AGBL1: variants seen among roughly 807,000 people sequenced by gnomAD.
AGBL1 encodes the protein AGBL carboxypeptidase 1.
AGBL1 carries 130 observed loss-of-function variants against 118.9 expected under a neutral mutation model. The ratio of observed to expected loss-of-function variants is 1.09; its 90% CI spans 0.95 to 1.26. The LOEUF (loss-of-function observed/expected upper bound fraction) is 1.26. Among genes scored for constraint, AGBL1 ranks in the 50% most tolerant of loss-of-function variants. The probability of loss-of-function intolerance (pLI) is 0.00; values close to 1 mark genes in which losing one functional copy is unlikely to be tolerated. For synonymous variants in AGBL1, 555 were observed against 478.9 expected (o/e 1.16, Z -2.08); for missense variants, 1,584 against 1,298.1 (o/e 1.22, Z -3.38).
chr15:86,201,827 C>T (rs184775377), intron 5 of AGBL1, among the ~76,000 whole-genome samples: 45 of 152,214 alleles, frequency 3.0e-4, no homozygotes, highest in East Asian at 5.8e-4. Context: ...TTCAGTAGGC[C>T]GCACGGATTT....
Position 86,526,573 on chromosome 15 carries a change from TAC to T in AGBL1, c.2685+3640_2685+3641del, listed in dbSNP as rs1202978973. Among the ~76,000 whole-genome samples, 309 of 117,592 alleles carry T rather than the reference TAC, an allele frequency of 2.6e-3. 4 individuals are homozygous for T. Among genetic ancestry groups the T allele is most frequent in the African/African-American group, 0.01 (291 of 28,478 alleles). The allele number at this position is 117,592 out of a possible 152,430, so 77.1% of individuals were successfully genotyped here. A position where few individuals can be genotyped will look rare whatever the true frequency, so the allele number is the denominator to read the frequency against. On this transcript the variant is annotated intron_variant, in intron 19 of 22. Coordinates refer to ENST00000614907, the MANE Select transcript of AGBL1 (RefSeq NM_001386094.1). ...ATATATATATATATATATATATATATACACACAGAGTATATATATGTATATAG... is the reference window on the plus strand; with the variant it reads ...ATATATATATATATATATATATATATACACAGAGTATATATATGTATATAG...
intron 22 of AGBL1, among the ~76,000 whole-genome samples, chr15:86,677,222 C>G (rs2085864529): frequency 6.6e-6 from 1 of 152,146 alleles, no homozygotes. Context: ...AGCAACTCAA[C>G]ATTTTTCAAG....
chr15:86,880,610 A>G (rs1408039797), intron 22 of AGBL1, among the ~76,000 whole-genome samples: 2 of 152,114 alleles, frequency 1.3e-5, no homozygotes, highest in African/African-American at 2.4e-5. Context: ...GTGCATATAC[A>G]TGTGCACATG....
downstream of AGBL1, among the ~76,000 whole-genome samples, chr15:86,916,677 C>A (rs1254216089): frequency 3.3e-5 from 5 of 152,170 alleles, no homozygotes; most frequent in Admixed American, 3.3e-4. Context: ...CTCAGTTTCT[C>A]CATTGGAGGG....
intron 21 of AGBL1, 83 bp downstream of exon 21, chr15:86,554,620 C>G: frequency 7.7e-7 from 1 of 1,298,342 alleles, no homozygotes; most frequent in Non-Finnish European, 9.9e-7. Flanking sequence ...TGCTTTCTCA[C>G]CTAAAAGGGG....
intron 22 of AGBL1, among the ~76,000 whole-genome samples, chr15:86,846,896 T>C (rs1376730766): frequency 6.6e-6 from 1 of 152,160 alleles, no homozygotes; most frequent in Non-Finnish European, 1.5e-5. Context: ...TCTTCCTCCT[T>C]TATCTGAGTC....
intron 17 of AGBL1, chr15:86,296,511 A>T (rs2079645016): frequency 6.6e-6 from 1 of 152,180 alleles, no homozygotes; most frequent in Non-Finnish European, 1.5e-5. Flanking sequence ...ATGAAGACAC[A>T]GCCTTCCCTG....
intron 23 of AGBL1, among the ~76,000 whole-genome samples, chr15:86,978,229 A>G (rs919013950): frequency 2.0e-5 from 3 of 152,158 alleles, no homozygotes; most frequent in African/African-American, 7.2e-5. Flanking sequence ...GACTTGCAAC[A>G]AGACTAAAAA....
intron 23 of AGBL1, among the ~76,000 whole-genome samples, chr15:86,960,242 A>G (rs994515814): frequency 6.6e-6 from 1 of 152,044 alleles, no homozygotes; most frequent in African/African-American, 2.4e-5. Flanking sequence ...TTATTCTATT[A>G]GGGAGCTACT....
intron 18 of AGBL1, among the ~76,000 whole-genome samples, chr15:86,487,572 T>A (rs1160713678): frequency 6.6e-6 from 1 of 151,940 alleles, no homozygotes; most frequent in Admixed American, 6.6e-5. Context: ...CCCTGACTTT[T>A]TTTTTTTTAA....
intron 15 of AGBL1, among the ~76,000 whole-genome samples, chr15:86,273,244 A>G (rs1185952576): frequency 6.6e-6 from 1 of 152,232 alleles, no homozygotes; most frequent in Non-Finnish European, 1.5e-5. Flanking sequence ...TTTCAAAAGC[A>G]CAGCCTTGAC....
intron 5 of AGBL1, among the ~76,000 whole-genome samples, chr15:86,193,902 A>G (rs749238400): frequency 2.6e-5 from 4 of 152,250 alleles, no homozygotes; most frequent in Non-Finnish European, 4.4e-5. Context: ...CCTCTCTGGC[A>G]AGCCCATCAG....
intron 11 of AGBL1, 29 bp downstream of exon 11, chr15:86,264,867 T>G (rs756181336): frequency 4.0e-5 from 61 of 1,519,000 alleles, no homozygotes; most frequent in Non-Finnish European, 5.0e-5. Flanking sequence ...TGGGAGCTCT[T>G]TTTTTCTGTT....
intron 18 of AGBL1, among the ~76,000 whole-genome samples, chr15:86,483,048 A>G (rs1291688902): frequency 6.6e-6 from 1 of 152,062 alleles, no homozygotes; most frequent in Admixed American, 6.6e-5. Context: ...GGGTGGCTGA[A>G]TATACGTATT....
At chr15:86,948,038 C>T (rs891998269) in intron 23 of AGBL1, among the ~76,000 whole-genome samples, 10 of 152,188 alleles carry the variant, frequency 6.6e-5, no homozygotes, top group Middle Eastern at 6.8e-3. Context: ...GAAAGAGAGC[C>T]TTTCAATTCT....
chr15:86,311,652 T>C (rs1317533551), intron 17 of AGBL1, among the ~76,000 whole-genome samples: 1 of 152,162 alleles, frequency 6.6e-6, no homozygotes, highest in African/African-American at 2.4e-5. Context: ...AAGAGTGTGA[T>C]TTTTATTTTT....
rs138891367 is a variant in AGBL1, at chr15:86,343,135, C to T, written c.2374+47727C>T. ...TACCCACCTCCCCAGTATCCCATAT[C>T]TATTCTCTAGCCCTGGAGAGTGATT... On this transcript the variant is annotated intron_variant, in intron 17 of 22. Transcript: ENST00000614907. Among the ~76,000 whole-genome samples, 1,377 of 152,276 alleles carry T rather than the reference C, an allele frequency of 9.0e-3. 24 individuals carry two copies. The highest frequency in any genetic ancestry group is 0.012 in the South Asian group (56 of 4,826).
Position 86,295,289 on chromosome 15 carries a change from T to A in AGBL1, c.2255T>A (p.Leu752His), listed in dbSNP as rs1321717495. 1.9e-6 allele frequency: 3 copies of A among 1,613,694 alleles called. No individual in the cohort carries two copies. In the South Asian group the frequency reaches 3.3e-5, roughly 18 times the overall value. ...GACATCCTGGAAAAGAGTGTCAACC[T>A]CAAAGAGGTCTACTTCCGGCAAGAT... ...HLDILEKSVN[L>H]KEVYFRQDVL... The change falls in exon 17 of 23, where the codon CTC (leucine) becomes CAC (histidine). Residue 752 changes from leucine to histidine, a missense_variant. Physicochemically the swap from Leu to His is moderately conservative, Grantham distance 99 (BLOSUM62 -3). Coordinates refer to ENST00000614907, the MANE Select transcript of AGBL1 (RefSeq NM_001386094.1).
At chr15:86,550,752 G>C (rs1041227964) in intron 20 of AGBL1, among the ~76,000 whole-genome samples, 1 of 151,854 alleles carries the variant, frequency 6.6e-6, no homozygotes, top group Non-Finnish European at 1.5e-5. Context: ...CTTACATATA[G>C]CAGTTCTTTT....
Sources: allele counts gnomAD v4.1 joint callset (sites outside exome capture counted in the v4.1 genomes callset), GRCh38; gene constraint gnomAD v4.1.1; transcripts MANE v1.5; gene names NCBI Gene and HGNC (gene_info 2026-07-23, HGNC 2026-07-21).